MARCHF7: variants seen among roughly 807,000 people sequenced by gnomAD.
MARCHF7 encodes E3 ubiquitin-protein ligase MARCHF7.
MARCHF7 carries 20 observed loss-of-function variants against 76.5 expected under a neutral mutation model. That is an observed-to-expected ratio of 0.26 (90% CI 0.18 to 0.38). The LOEUF (loss-of-function observed/expected upper bound fraction) is 0.38, where lower values mean the gene tolerates loss of function less well. MARCHF7 is among the 10% of genes least tolerant of loss of function. The probability of loss-of-function intolerance (pLI) is 1.00; values close to 1 mark genes in which losing one functional copy is unlikely to be tolerated. For missense variants in MARCHF7, 797 were observed against 812.9 expected, an observed-to-expected ratio of 0.98 and a Z score of 0.24; for synonymous variants, 295 against 293.0, an observed-to-expected ratio of 1.01 and a Z score of -0.07.
At chr2:159,731,690 G>T (rs1702812629) in intron 4 of MARCHF7, among the ~76,000 whole-genome samples, 1 of 150,794 alleles carries the variant, frequency 6.6e-6, no homozygotes, top group African/African-American at 2.4e-5. Flanking sequence ...GGAGACGGAA[G>T]TTGCCATGAG....
chr2:159,767,239 AT>A (rs777609541), intron 11 of MARCHF7, 44 bp from the exon 12 acceptor site: 20 of 1,392,260 alleles, frequency 1.4e-5, no homozygotes, highest in Admixed American at 1.8e-5. Flanking sequence ...TCCCATTCTT[AT>A]CCCCCTTAAA....
chr2:159,740,555 A>G (rs923745368), intron 4 of MARCHF7, among the ~76,000 whole-genome samples: 1 of 152,208 alleles, frequency 6.6e-6, no homozygotes, highest in Non-Finnish European at 1.5e-5. Context: ...CCTGCAGGAT[A>G]AGGTCCCTGA....
intron 6 of MARCHF7, among the ~76,000 whole-genome samples, 187 bp from the exon 7 acceptor site, chr2:159,747,618 A>G (rs1233381434): frequency 6.6e-6 from 1 of 152,164 alleles, no homozygotes; most frequent in African/African-American, 2.4e-5. Context: ...GCAGTACTGG[A>G]TTTTACCAGT....
At chr2:159,762,155 A>G (rs186533943) in intron 9 of MARCHF7, among the ~76,000 whole-genome samples, 327 of 152,336 alleles carry the variant, frequency 2.1e-3, no homozygotes, top group African/African-American at 7.3e-3. Context: ...TTGAGAATTC[A>G]GAATGAACAA....
At chr2:159,763,754 G>T (rs1707383601) in intron 10 of MARCHF7, among the ~76,000 whole-genome samples, 1 of 152,042 alleles carries the variant, frequency 6.6e-6, no homozygotes, top group Admixed American at 6.6e-5. Context: ...TTTTTATTTT[G>T]AAAATTATCA....
intron 7 of MARCHF7, among the ~76,000 whole-genome samples, chr2:159,750,147 C>T (rs1705450715): frequency 6.6e-6 from 1 of 152,198 alleles, no homozygotes; most frequent in African/African-American, 2.4e-5. Context: ...TTCAAGCGAT[C>T]CTCATGCTTC....
chr2:159,746,581 A>G (rs1190973444), intron 6 of MARCHF7, among the ~76,000 whole-genome samples: 1 of 152,180 alleles, frequency 6.6e-6, no homozygotes, highest in African/African-American at 2.4e-5. Context: ...TTGTGTTTTT[A>G]GTAGAGACTG....
chr2:159,730,820 C>T (rs566913608), intron 4 of MARCHF7, among the ~76,000 whole-genome samples: 1 of 152,264 alleles, frequency 6.6e-6, no homozygotes, highest in Admixed American at 6.5e-5. Context: ...ACTGTACTGC[C>T]TAGAGAGGAG....
rs764238570 is a variant in MARCHF7 at position 159,764,611 on chromosome 2, C to T, written c.2008-15C>T. On this transcript the variant is annotated splice_polypyrimidine_tract_variant and intron_variant, in intron 10 of 11. Transcript: ENST00000409175. ...AACATTTAAACTACTGTATTTCTTTCTGCATTGTTTCTAGTTTATTAACCT... is the reference window on the plus strand; with the variant it reads ...AACATTTAAACTACTGTATTTCTTTTTGCATTGTTTCTAGTTTATTAACCT... 22 of 1,581,596 alleles carry T rather than the reference C, an allele frequency of 1.4e-5. No homozygotes were observed. The East Asian group carries it at 3.9e-4, about 28-fold the overall frequency.
chr2:159,724,293 T>C (rs1183469874), intron 3 of MARCHF7, among the ~76,000 whole-genome samples: 6 of 152,244 alleles, frequency 3.9e-5, no homozygotes, highest in Admixed American at 2.0e-4. Context: ...TAGTAACTTA[T>C]AGGATCTTCC....
At position 159,752,392 on chromosome 2, in the gene MARCHF7, T is replaced by C. The variant is rs1574393858; in HGVS notation, c.1614-10T>C. Reference sequence around the variant, plus strand: ...TATGATAGCTTTGGGAAATGTGCCTTCTTTTCCAGCCTCCTTTTAGAGGAC... The same window carrying C: ...TATGATAGCTTTGGGAAATGTGCCTCCTTTTCCAGCCTCCTTTTAGAGGAC... On this transcript the variant is annotated splice_polypyrimidine_tract_variant and intron_variant, in intron 7 of 11. Transcript: ENST00000409175. 1 of 1,566,266 alleles carries C rather than the reference T, an allele frequency of 6.4e-7. No individual in the cohort carries two copies. The highest frequency in any genetic ancestry group is 8.6e-7 in the Non-Finnish European group (1 of 1,157,772).
intron 5 of MARCHF7, among the ~76,000 whole-genome samples, chr2:159,744,661 G>A (rs749881628): frequency 1.3e-5 from 2 of 152,208 alleles, no homozygotes; most frequent in African/African-American, 4.8e-5. Context: ...TGGGAAAGAC[G>A]TGCCTATCTG....
At chr2:159,749,063 C>T (rs185166245) in intron 7 of MARCHF7, among the ~76,000 whole-genome samples, 160 bp downstream of exon 7, 33 of 148,496 alleles carry the variant, frequency 2.2e-4, no homozygotes, top group Middle Eastern at 3.4e-3. Flanking sequence ...ACTGCAGCCT[C>T]GGCCTTCCAG....
At chr2:159,754,789 A>T (rs893860670) in intron 8 of MARCHF7, among the ~76,000 whole-genome samples, 1 of 152,114 alleles carries the variant, frequency 6.6e-6, no homozygotes, top group African/African-American at 2.4e-5. Flanking sequence ...TGATGGGAAG[A>T]TTTATGACTC....
chr2:159,720,031 C>T, intron 3 of MARCHF7, among the ~76,000 whole-genome samples: 1 of 152,050 alleles, frequency 6.6e-6, no homozygotes, highest in East Asian at 1.9e-4. Flanking sequence ...CCCGCCCTCC[C>T]CCCTCCAGCC....
intron 11 of MARCHF7, among the ~76,000 whole-genome samples, chr2:159,765,618 A>AT (rs1399508550): frequency 6.6e-6 from 1 of 152,170 alleles, no homozygotes; most frequent in Non-Finnish European, 1.5e-5. Context: ...TGTGCATAAC[A>AT]TTTTTACTTT....
intron 9 of MARCHF7, among the ~76,000 whole-genome samples, chr2:159,762,050 A>C (rs779182929): frequency 8.5e-5 from 13 of 152,190 alleles, no homozygotes; most frequent in Admixed American, 7.2e-4. Context: ...GGGCCTCTAG[A>C]CTAACTAGTG....
Position 159,745,957 on chromosome 2 carries a change from A to G in MARCHF7, c.514+20A>G, listed in dbSNP as rs1490779426. ...CATCATGTATGTATAAATTACATCA[A>G]GTATAACTTCTCATAATGTTCCATT... On this transcript the variant is annotated intron_variant, in intron 6 of 11. Transcript: ENST00000409175. The G allele has an allele frequency of 2.5e-6, 4 of 1,591,302 alleles. No homozygotes were observed. The highest frequency in any genetic ancestry group is 3.4e-6 in the Non-Finnish European group (4 of 1,167,584).
chr2:159,727,030 T>G (rs942046829), intron 3 of MARCHF7, among the ~76,000 whole-genome samples: 1 of 152,232 alleles, frequency 6.6e-6, no homozygotes, highest in African/African-American at 2.4e-5. Context: ...ACTATTATTT[T>G]TGCACAGTGA....
Sources: gnomAD v4.1 joint callset for allele counts (sites outside exome capture counted in the v4.1 genomes callset) on GRCh38, gnomAD v4.1.1 for gene constraint, MANE v1.5 for transcripts, NCBI Gene and HGNC (gene_info 2026-07-23, HGNC 2026-07-21) for gene names.